The following MFSD2B variants were observed in gnomAD, a reference collection of about 807,000 sequenced individuals.
MFSD2B encodes MFSD2 lysolipid transporter B, sphingolipid, also known as sphingosine-1-phosphate transporter MFSD2B.
A neutral mutation model predicts 58.4 loss-of-function variants in MFSD2B; 56 were observed. The observed-to-expected ratio is 0.96, with a 90% CI of 0.77 to 1.20. MFSD2B has a LOEUF of 1.20. Ranked by LOEUF, MFSD2B falls within the 50% of genes most tolerant of loss-of-function variation. The pLI is 0.00. For missense variants in MFSD2B, 645 were observed against 667.6 expected (o/e 0.97, Z 0.37); for synonymous variants, 287 against 294.4 (o/e 0.97, Z 0.26).
Position 24,012,079 on chromosome 2 carries a change from T to TG in MFSD2B, c.97-1204dup, listed in dbSNP as rs149642835. On this transcript the variant is annotated intron_variant, in intron 1 of 13. Coordinates refer to ENST00000338315, the MANE Select transcript of MFSD2B (RefSeq NM_001346880.2). This position sits in a 1 kb window ranked among gnomAD's most constrained non-coding sequence, Gnocchi z 4.5. ...GGACTCCTTAGCCATGATCAGGACTTGGAGTTTTATTCAAACTGCAATGGT... is the reference window on the plus strand; with the variant it reads ...GGACTCCTTAGCCATGATCAGGACTTGGGAGTTTTATTCAAACTGCAATGGT... Among the ~76,000 whole-genome samples the TG allele has an allele frequency of 0.01, 1,575 of 151,740 alleles. 81 individuals are homozygous for TG. In the East Asian group the frequency reaches 0.16, roughly 15 times the overall value.
intron 1 of MFSD2B, 55 bp from the exon 2 acceptor site, chr2:24,013,229 TG>T: frequency 6.6e-7 from 1 of 1,520,886 alleles, no homozygotes; most frequent in Non-Finnish European, 8.9e-7. Flanking sequence ...TCATGGGGTG[TG>T]GGGACCTGTT....
In MFSD2B at chr2:24,012,391, C is replaced by T. The variant is rs1379874232; in HGVS notation, c.97-894C>T. On this transcript the variant is annotated intron_variant, in intron 1 of 13. Transcript: ENST00000338315. The surrounding 1 kb of genome is among the most constrained non-coding windows in gnomAD (Gnocchi z 4.5). Reference sequence around the variant, plus strand: ...CCTCCTGAGTAGCTGGGATTACAGGCGGCCACTATGCCTGGCTAATTTTTG... The same window carrying T: ...CCTCCTGAGTAGCTGGGATTACAGGTGGCCACTATGCCTGGCTAATTTTTG... Among the ~76,000 whole-genome samples the T allele has an allele frequency of 1.3e-5, 2 of 152,082 alleles. No individual in the cohort carries two copies. Among genetic ancestry groups the T allele is most frequent in the African/African-American group, 2.4e-5 (1 of 41,408 alleles).
chr2:24,013,865 A>C (rs1558320044), intron 2 of MFSD2B, among the ~76,000 whole-genome samples: 1 of 131,570 alleles, frequency 7.6e-6, no homozygotes, highest in Non-Finnish European at 1.6e-5. Flanking sequence ...TTTGAGACAG[A>C]GTCTCACTCT....
intron 6 of MFSD2B, among the ~76,000 whole-genome samples, chr2:24,019,097 C>T (rs1401097905): frequency 3.3e-5 from 5 of 152,152 alleles, no homozygotes; most frequent in Non-Finnish European, 5.9e-5. Flanking sequence ...GTAATCCGCC[C>T]GCCTCAGCCT....
At chr2:24,014,741 T>C (rs1468619057) in intron 2 of MFSD2B, among the ~76,000 whole-genome samples, 1 of 152,092 alleles carries the variant, frequency 6.6e-6, no homozygotes, top group African/African-American at 2.4e-5. Context: ...TGGAGAAAAT[T>C]CTAGAAGGAT....
At position 24,013,278 on chromosome 2, in the gene MFSD2B, C is replaced by T. The variant is rs772724974; in HGVS notation, c.97-7C>T. ...GGAGAAGGGCTTAGTTCCTGTGTCT[C>T]CTCCAGGACAGCAGAGCCGGTCGCC... On this transcript the variant is annotated splice_polypyrimidine_tract_variant and splice_region_variant and intron_variant, in intron 1 of 13. Transcript: ENST00000338315. 4 of 1,594,472 alleles carry T rather than the reference C, an allele frequency of 2.5e-6. No individual in the cohort carries two copies. The highest frequency in any genetic ancestry group is 3.4e-6 in the Non-Finnish European group (4 of 1,166,030).
intron 1 of MFSD2B, 148 bp from the exon 2 acceptor site, chr2:24,013,137 G>A (rs572940999): frequency 1.5e-5 from 10 of 647,018 alleles, no homozygotes; most frequent in East Asian, 1.5e-4. Context: ...TTCCTCTTAG[G>A]ATGACATGGG....
Position 24,023,372 on chromosome 2 carries a change from C to A in MFSD2B, c.1169+133C>A. On this transcript the variant is annotated intron_variant, in intron 11 of 13. Transcript: ENST00000338315. The surrounding 1 kb of genome is among the most constrained non-coding windows in gnomAD (Gnocchi z 5.0). The stretch of plus-strand genomic sequence containing the variant: ...CCACCAGCTCCATCCTCAGAGCCCT[C>A]CTGAGAGGACATCAGGCAGTAGGAA... The A allele has an allele frequency of 1.1e-6, 1 of 940,362 alleles. No homozygotes were observed. The highest frequency in any genetic ancestry group is 1.7e-6 in the Non-Finnish European group (1 of 605,614). The allele number at this position is 940,362 out of a possible 1,614,324, so 58.3% of individuals were successfully genotyped here.
rs761980476 is a variant in MFSD2B, at chr2:24,016,968, G to A, written c.471G>A (p.Thr157=). 1.9e-5 allele frequency: 31 copies of A among 1,613,526 alleles called. No homozygotes were observed. Among genetic ancestry groups the A allele is most frequent in the East Asian group, 1.3e-4 (6 of 44,872 alleles). The change falls in exon 4 of 14, where the codon ACG becomes ACA. Residue 157 remains threonine (T), a splice_region_variant and synonymous_variant. Coordinates refer to ENST00000338315, the MANE Select transcript of MFSD2B (RefSeq NM_001346880.2). Reference sequence around the variant, plus strand: ...ACTGCCTGTTCCAGGCCCTGGCCACGGTAAGCAGGGCCCCTTCCTGGGCCT... The same window carrying A: ...ACTGCCTGTTCCAGGCCCTGGCCACAGTAAGCAGGGCCCCTTCCTGGGCCT... ...TFYCLFQALA[T]FFQVPYTALT... is the part of the protein sequence containing the mutation.
At chr2:24,011,347 G>A (rs958600755) in intron 1 of MFSD2B, among the ~76,000 whole-genome samples, 13 of 152,268 alleles carry the variant, frequency 8.5e-5, no homozygotes, top group Non-Finnish European at 1.5e-4. Context: ...CCCCATTAGG[G>A]GGAGAGGGGG....
At chr2:24,014,399 C>T (rs1250209535) in intron 2 of MFSD2B, among the ~76,000 whole-genome samples, 1 of 152,176 alleles carries the variant, frequency 6.6e-6, no homozygotes, top group Non-Finnish European at 1.5e-5. Context: ...GGTGTTCCAT[C>T]CACCACAGCT....
In MFSD2B at chr2:24,024,310, T is replaced by C; in HGVS notation, c.1490+39T>C. 1.3e-6 allele frequency: 2 copies of C among 1,553,228 alleles called. No individual in the cohort carries two copies. The highest frequency in any genetic ancestry group is 1.7e-6 in the Non-Finnish European group (2 of 1,150,846). Reference sequence around the variant, plus strand: ...GCCCCCTGCAGCCAGCGAGGCACAGTGTGGGCTGCTGGGGGAATGACTAAC... The same window carrying C: ...GCCCCCTGCAGCCAGCGAGGCACAGCGTGGGCTGCTGGGGGAATGACTAAC... On this transcript the variant is annotated intron_variant, in intron 13 of 13. Transcript: ENST00000338315. This position sits in a 1 kb window ranked among gnomAD's most constrained non-coding sequence, Gnocchi z 4.3.
chr2:24,024,022 G>A lies in MFSD2B; in HGVS notation c.1314-73G>A. 1.4e-6 allele frequency: 2 copies of A among 1,466,134 alleles called. No homozygotes were observed. The highest frequency in any genetic ancestry group is 9.4e-7 in the Non-Finnish European group (1 of 1,063,654). 90.8% of individuals were successfully genotyped at this position (1,466,134 alleles called of 1,614,324 possible). A position where few individuals can be genotyped will look rare whatever the true frequency, so the allele number is the denominator to read the frequency against. On this transcript the variant is annotated intron_variant, in intron 12 of 13. Transcript: ENST00000338315. This position sits in a 1 kb window ranked among gnomAD's most constrained non-coding sequence, Gnocchi z 4.3. ...TTCAGGAGGGGGTGGGGTGGGGTGA[G>A]GTGTCGAGTCCCTCCACCCAGGGTG...
At position 24,010,100 on chromosome 2, in the gene MFSD2B, G is replaced by C; in HGVS notation, c.4G>C (p.Ala2Pro). The C allele has an allele frequency of 7.0e-7, 1 of 1,434,282 alleles. No homozygotes were observed. Among genetic ancestry groups the C allele is most frequent in the Non-Finnish European group, 9.1e-7 (1 of 1,100,372 alleles). The allele number at this position is 1,434,282 out of a possible 1,614,324, so 88.8% of individuals were successfully genotyped here. The part of the protein sequence containing the change: M[A>P]APPAPAAKGS... ...CGCGGGCGGCGCTGCGGTGGCAATGGCGGCGCCCCCTGCACCAGCCGCCAA... is the reference window on the plus strand; with the variant it reads ...CGCGGGCGGCGCTGCGGTGGCAATGCCGGCGCCCCCTGCACCAGCCGCCAA... Residue 2 changes from alanine to proline, a missense_variant, in exon 1 of 14, where the codon GCG becomes CCG. By Grantham distance (27) the Ala-to-Pro change is conservative. Coordinates refer to ENST00000338315, the MANE Select transcript of MFSD2B (RefSeq NM_001346880.2).
chr2:24,023,980 G>A lies in MFSD2B; in HGVS notation c.1314-115G>A. 1.8e-6 allele frequency: 2 copies of A among 1,140,936 alleles called. No individual in the cohort carries two copies. Among genetic ancestry groups the A allele is most frequent in the African/African-American group, 1.5e-5 (1 of 64,892 alleles). 70.7% of individuals were successfully genotyped at this position (1,140,936 alleles called of 1,614,324 possible). A position where few individuals can be genotyped will look rare whatever the true frequency, so the allele number is the denominator to read the frequency against. ...TGACACTCCTCTCCTGATCTGACCA[G>A]GAAATGAAGTCCACGTTTCAGGAGG... is the stretch of plus-strand genomic sequence containing the variant. On this transcript the variant is annotated intron_variant, in intron 12 of 13. Coordinates refer to ENST00000338315, the MANE Select transcript of MFSD2B (RefSeq NM_001346880.2). The surrounding 1 kb of genome is among the most constrained non-coding windows in gnomAD (Gnocchi z 5.0).
At position 24,022,744 on chromosome 2, in the gene MFSD2B, C is replaced by G. The variant is rs1348086458; in HGVS notation, c.979-78C>G. 8.6e-7 allele frequency: 1 copy of G among 1,165,262 alleles called. No individual in the cohort carries two copies. The allele number at this position is 1,165,262 out of a possible 1,614,324, so 72.2% of individuals were successfully genotyped here. A position where few individuals can be genotyped will look rare whatever the true frequency, so the allele number is the denominator to read the frequency against. On this transcript the variant is annotated intron_variant, in intron 9 of 13. Transcript: ENST00000338315. The surrounding 1 kb of genome is among the most constrained non-coding windows in gnomAD (Gnocchi z 4.5). ...GCAAGGCCAAGGTCAGGCATCCAAT[C>G]TAAAAGCCAAGGCCTTGGGGTCCCA...
chr2:24,021,692 C>T lies in MFSD2B; in HGVS notation c.726C>T (p.Tyr242=), dbSNP rs773363433. The T allele has an allele frequency of 4.0e-5, 64 of 1,613,578 alleles. No homozygotes were observed. Among genetic ancestry groups the T allele is most frequent in the Non-Finnish European group, 5.4e-5 (64 of 1,179,762 alleles). The change falls in exon 7 of 14, where the codon TAC becomes TAT. Residue 242 remains tyrosine, a synonymous_variant. Coordinates refer to ENST00000338315, the MANE Select transcript of MFSD2B (RefSeq NM_001346880.2). The surrounding 1 kb of genome is among the most constrained non-coding windows in gnomAD (Gnocchi z 5.7). ...CIAAAVVVVT[Y]PVCISLLCLG... ...CGGCTGCCGTGGTTGTAGTGACTTA[C>T]CCCGTGTGCATCAGTTTACTGTGCC...
rs1662800043 is a variant in MFSD2B at position 24,021,788 on chromosome 2, T to C, written c.772+50T>C. The C allele has an allele frequency of 1.2e-6, 2 of 1,612,814 alleles. No homozygotes were observed. The highest frequency in any genetic ancestry group is 2.2e-5 in the East Asian group (1 of 44,852). On this transcript the variant is annotated intron_variant, in intron 7 of 13. Coordinates refer to ENST00000338315, the MANE Select transcript of MFSD2B (RefSeq NM_001346880.2). The surrounding 1 kb of genome is among the most constrained non-coding windows in gnomAD (Gnocchi z 5.7). The stretch of plus-strand genomic sequence containing the variant: ...GCAGAAGCTGGGGGCAGGGCTCTGC[T>C]TGGGGGCAGGTTTTGCTTTTGAACT...
Position 24,022,428 on chromosome 2 carries a change from C to G in MFSD2B, c.895-5C>G, listed in dbSNP as rs1662825000. 1 of 1,612,018 alleles carries G rather than the reference C, an allele frequency of 6.2e-7. No homozygotes were observed. The highest frequency in any genetic ancestry group is 8.5e-7 in the Non-Finnish European group (1 of 1,179,032). On this transcript the variant is annotated splice_polypyrimidine_tract_variant and splice_region_variant and intron_variant, in intron 8 of 13. Transcript: ENST00000338315. This position sits in a 1 kb window ranked among gnomAD's most constrained non-coding sequence, Gnocchi z 4.5. Reference sequence around the variant, plus strand: ...CACATACCCACTTCCTGTCCATCTCCTCAGGTGGAGCAGAGCTACCTGGTC... The same window carrying G: ...CACATACCCACTTCCTGTCCATCTCGTCAGGTGGAGCAGAGCTACCTGGTC...
Sources: allele counts gnomAD v4.1 joint callset (sites outside exome capture counted in the v4.1 genomes callset), GRCh38; gene constraint gnomAD v4.1.1; non-coding constraint Gnocchi (gnomAD v3.1); transcripts MANE v1.5; gene names NCBI Gene and HGNC (gene_info 2026-07-23, HGNC 2026-07-21).